ITGA10: variants seen among roughly 807,000 people sequenced by gnomAD.
ITGA10 encodes the protein integrin alpha-10.
Under a neutral mutation model 145.2 loss-of-function variants are expected in ITGA10, and 105 were observed. The ratio of observed to expected loss-of-function variants is 0.72; its 90% CI spans 0.62 to 0.85. ITGA10 has a LOEUF of 0.85. ITGA10 is among the 40% of genes least tolerant of loss of function. ITGA10 has a pLI of 0.00. For missense variants in ITGA10, 1,317 were observed against 1,444.5 expected (o/e 0.91, Z 1.43); for synonymous variants, 506 against 557.8 (o/e 0.91, Z 1.31).
chr1:145,897,884 T>G lies in ITGA10; in HGVS notation c.2363A>C (p.Asp788Ala). 1 of 1,613,706 alleles carries G rather than the reference T, an allele frequency of 6.2e-7. No homozygotes were observed. Among genetic ancestry groups the G allele is most frequent in the Middle Eastern group, 1.6e-4 (1 of 6,062 alleles). The change falls in exon 19 of 30, where the codon GAT (aspartate) becomes GCT (alanine). Residue 788 changes from aspartate to alanine, a missense_variant. By Grantham distance (126) the Asp-to-Ala change is moderately radical. Coordinates refer to ENST00000369304, the MANE Select transcript of ITGA10 (RefSeq NM_003637.5). ...GACACATTCATTGTCAGGGCCACAATCCTTTGAGAAGGGGACCTGGAAGAA... is the reference window on the plus strand; with the variant it reads ...GACACATTCATTGTCAGGGCCACAAGCCTTTGAGAAGGGGACCTGGAAGAA... ...SIQKLVPFSK[D>A]CGPDNECVTD...
chr1:145,898,097 T>C lies in ITGA10; in HGVS notation c.2346+13A>G. On this transcript the variant is annotated intron_variant, in intron 18 of 29. Coordinates refer to ENST00000369304, the MANE Select transcript of ITGA10 (RefSeq NM_003637.5). ...AGTGTTGGGAGCAAGGGGCAGGGCA[T>C]GGCACTGCTGACCAGCTTTTGTATA... The C allele has an allele frequency of 1.3e-6, 2 of 1,559,778 alleles. No homozygotes were observed. The highest frequency in any genetic ancestry group is 1.8e-6 in the Non-Finnish European group (2 of 1,130,356).
At chr1:145,896,917 C>A in intron 22 of ITGA10, 59 bp from the exon 23 acceptor site, 1 of 1,540,384 alleles carries the variant, frequency 6.5e-7, no homozygotes, top group South Asian at 1.1e-5. Context: ...ACACCCTTCT[C>A]TGTTAATAGA....
Position 145,897,742 on chromosome 1 carries a change from C to A in ITGA10, c.2432+73G>T. The A allele has an allele frequency of 6.2e-6, 10 of 1,609,994 alleles. No individual in the cohort carries two copies. In the South Asian group the frequency reaches 9.9e-5, roughly 16 times the overall value. On this transcript the variant is annotated intron_variant, in intron 19 of 29. Transcript: ENST00000369304. The stretch of plus-strand genomic sequence containing the variant: ...TTGTTATCATGGGTAAGAAACAACC[C>A]CCTACCCGCCCTTCGAGTCCCTTCC...
chr1:145,906,970 GTATAGGGAGT>G (rs1210185805), intron 3 of ITGA10, 61 bp downstream of exon 3: 10 of 1,237,816 alleles, frequency 8.1e-6, no homozygotes, highest in African/African-American at 1.5e-5. Flanking sequence ...AAAAGCTGAG[GTATAGGGAGT>G]TGAAGCTTCT....
At chr1:145,898,317 G>T in intron 17 of ITGA10, 94 bp from the exon 18 acceptor site, 1 of 671,844 alleles carries the variant, frequency 1.5e-6, no homozygotes, top group Non-Finnish European at 2.7e-6. Flanking sequence ...GCTGGGCACT[G>T]TCCTAAGATC....
At position 145,902,493 on chromosome 1, in the gene ITGA10, T is replaced by C. The variant is rs782254543; in HGVS notation, c.1036A>G (p.Ile346Val). 1.1e-5 allele frequency: 18 copies of C among 1,613,326 alleles called. No homozygotes were observed. The highest frequency in any genetic ancestry group is 1.4e-5 in the Non-Finnish European group (17 of 1,179,682). The change falls in exon 9 of 30, where the codon ATT becomes GTT. Residue 346 changes from isoleucine (I) to valine (V), a missense_variant. Ile to Val is a conservative substitution (Grantham distance 29). Coordinates refer to ENST00000369304, the MANE Select transcript of ITGA10 (RefSeq NM_003637.5). ...ATCCGATCTCCTAGTGCATCCACAA[T>C]GTCAGTCAGAGCAGCCTCATCTGTG... is the stretch of plus-strand genomic sequence containing the variant. ...NVTDEAALTD[I>V]VDALGDRIFG... is the part of the protein sequence containing the mutation.
chr1:145,893,891 C>A lies in ITGA10; in HGVS notation c.3229-256G>T, dbSNP rs1222283365. Among the ~76,000 whole-genome samples the A allele has an allele frequency of 3.3e-5, 5 of 151,928 alleles. No individual in the cohort carries two copies. In the South Asian group the frequency reaches 1.0e-3, roughly 32 times the overall value. Reference sequence around the variant, plus strand: ...TGCTTTACCTGAAATGCATTCTACTCCTCTTTCCTTTGGCTGACCTCTACC... The same window carrying A: ...TGCTTTACCTGAAATGCATTCTACTACTCTTTCCTTTGGCTGACCTCTACC... On this transcript the variant is annotated intron_variant, in intron 27 of 29. Coordinates refer to ENST00000369304, the MANE Select transcript of ITGA10 (RefSeq NM_003637.5).
rs77677391 is a variant in ITGA10, at chr1:145,895,818, C to G, written c.3034-107G>C. 3.7e-3 allele frequency: 4,077 copies of G among 1,110,740 alleles called. 38 individuals carry two copies. Among genetic ancestry groups the G allele is most frequent in the South Asian group, 0.019 (1,383 of 71,180 alleles). 68.8% of individuals were successfully genotyped at this position (1,110,740 alleles called of 1,614,324 possible). A position where few individuals can be genotyped will look rare whatever the true frequency, so the allele number is the denominator to read the frequency against. ...CTTGTAGTTCTTCCCCTTATAATAC[C>G]TTTTTCTTCTCTCTAATAAGCCACA... On this transcript the variant is annotated intron_variant, in intron 25 of 29. Transcript: ENST00000369304.
chr1:145,901,148 T>A lies in ITGA10; in HGVS notation c.1574A>T (p.Tyr525Phe). 3.7e-6 allele frequency: 6 copies of A among 1,614,002 alleles called. No homozygotes were observed. The highest frequency in any genetic ancestry group is 5.1e-6 in the Non-Finnish European group (6 of 1,179,958). Reference sequence around the variant, plus strand: ...AGCAAGTCTCACCTGGCCTACCAGATACACATAAACACGTCCTGTTTCCTT... The same window carrying A: ...AGCAAGTCTCACCTGGCCTACCAGAAACACATAAACACGTCCTGTTTCCTT... ...QNKETGRVYV[Y>F]LVGQQSLLTL... Residue 525 changes from tyrosine (Y) to phenylalanine (F), a missense_variant, in exon 13 of 30, where the codon TAT (tyrosine) becomes TTT (phenylalanine). Coordinates refer to ENST00000369304, the MANE Select transcript of ITGA10 (RefSeq NM_003637.5). The surrounding 1 kb of genome is among the most constrained non-coding windows in gnomAD (Gnocchi z 4.3).
intron 23 of ITGA10, 115 bp downstream of exon 23, chr1:145,896,654 C>A (rs1655447321): frequency 3.6e-6 from 3 of 838,928 alleles, no homozygotes; most frequent in Admixed American, 1.9e-5. Flanking sequence ...AAAGACTGAG[C>A]AGCCGCAAGG....
rs1553750203 is a variant in ITGA10, at chr1:145,904,073, G to A, written c.737C>T (p.Ala246Val). ...TCACCAGGCCACCATTATTGCTTGG[G>A]CAGTCTTTGTTTCTCGTCCCTCCCG... ...SRREGRETKTAQAIMVACTEG... is the reference protein window; with the variant it reads ...SRREGRETKTVQAIMVACTEG... The change falls in exon 7 of 30, where the codon GCC (alanine) becomes GTC (valine). Residue 246 changes from alanine (A) to valine (V), a missense_variant. Ala to Val is a moderately conservative substitution (Grantham distance 64). Transcript: ENST00000369304. 3 of 1,613,988 alleles carry A rather than the reference G, an allele frequency of 1.9e-6. No individual in the cohort carries two copies. Among genetic ancestry groups the A allele is most frequent in the African/African-American group, 1.3e-5 (1 of 74,992 alleles).
Position 145,896,754 on chromosome 1 carries a change from A to G in ITGA10, c.2834+15T>C, listed in dbSNP as rs782176947. 4.4e-6 allele frequency: 7 copies of G among 1,600,394 alleles called. No homozygotes were observed. In the South Asian group the frequency reaches 7.7e-5, roughly 18 times the overall value. ...TGAGGTCAGAACTGGGTCCCACCCT[A>G]GAAGCTGGGCATACCTAGAGAACAG... On this transcript the variant is annotated intron_variant, in intron 23 of 29. Coordinates refer to ENST00000369304, the MANE Select transcript of ITGA10 (RefSeq NM_003637.5).
In ITGA10 at chr1:145,902,272, T is replaced by C; in HGVS notation, c.1123A>G (p.Ile375Val). Residue 375 changes from isoleucine to valine, a missense_variant, in exon 10 of 30, where the codon ATT becomes GTT. Coordinates refer to ENST00000369304, the MANE Select transcript of ITGA10 (RefSeq NM_003637.5). ...TTTAGCCGATGAGTGGAGAAACCAA[T>C]CTGAGACATTTCCAGCCCAAAGGAG... ...ESSFGLEMSQ[I>V]GFSTHRLKDG... is the part of the protein sequence containing the mutation. 6.2e-7 allele frequency: 1 copy of C among 1,614,106 alleles called. No homozygotes were observed. The highest frequency in any genetic ancestry group is 1.1e-5 in the South Asian group (1 of 91,076).
chr1:145,909,571 AAT>A (rs1342349555), intron 1 of ITGA10, among the ~76,000 whole-genome samples: 1 of 135,766 alleles, frequency 7.4e-6, no homozygotes, highest in Non-Finnish European at 1.5e-5. Context: ...TATTATATAT[AAT>A]ATATAATTAT....
At chr1:145,893,302 C>T (rs782281369) in intron 28 of ITGA10, 28 bp from the exon 29 acceptor site, 53 of 1,507,782 alleles carry the variant, frequency 3.5e-5, no homozygotes, top group Non-Finnish European at 4.6e-5. Flanking sequence ...TAGTTTTCTA[C>T]ATGCATCCTA....
intron 1 of ITGA10, among the ~76,000 whole-genome samples, chr1:145,907,798 GTC>G (rs1426870216): frequency 1.7e-5 from 2 of 116,430 alleles, no homozygotes; most frequent in Non-Finnish European, 3.3e-5. Flanking sequence ...TTGAGACGGA[GTC>G]TCTCTGTCGC....
Position 145,891,579 on chromosome 1 carries a change from T to C in ITGA10, c.*1219A>G, listed in dbSNP as rs1559183686. 1.3e-5 allele frequency: 2 copies of C among 152,116 alleles called. No individual in the cohort carries two copies. The highest frequency in any genetic ancestry group is 2.4e-5 in the African/African-American group (1 of 41,394). The allele number at this position is 152,116 out of a possible 1,614,324, so 9.4% of individuals were successfully genotyped here. Reference sequence around the variant, plus strand: ...GTCCATGACCCAAATATGGAGTGGGTTGGGGAGGGATCAGAGATAGAAATT... The same window carrying C: ...GTCCATGACCCAAATATGGAGTGGGCTGGGGAGGGATCAGAGATAGAAATT... On this transcript the variant is annotated 3_prime_UTR_variant, in exon 30 of 30. Transcript: ENST00000369304.
At chr1:145,909,478 G>GTATATTATATATAATATATAATTATGTTA (rs1657573564) in intron 1 of ITGA10, among the ~76,000 whole-genome samples, 1 of 123,590 alleles carries the variant, frequency 8.1e-6, no homozygotes. Context: ...TATATTATAT[G>GTATATTATATATAATATATAATTATGTTA]TATATTATAT....
rs182576460 is a variant in ITGA10, at chr1:145,900,021, A to G, written c.1922+36T>C. On this transcript the variant is annotated intron_variant, in intron 15 of 29. Coordinates refer to ENST00000369304, the MANE Select transcript of ITGA10 (RefSeq NM_003637.5). ...GGCCCTTGCCTTTAACAGCTATGCT[A>G]TGCTGTCCACCACCACCTGAGCTGG... is the stretch of plus-strand genomic sequence containing the variant. 17 of 1,597,538 alleles carry G rather than the reference A, an allele frequency of 1.1e-5. No individual in the cohort carries two copies. The Admixed American group carries it at 1.6e-4, about 15-fold the overall frequency.
Sources: allele counts gnomAD v4.1 joint callset (sites outside exome capture counted in the v4.1 genomes callset), GRCh38; gene constraint gnomAD v4.1.1; non-coding constraint Gnocchi (gnomAD v3.1); transcripts MANE v1.5; gene names NCBI Gene and HGNC (gene_info 2026-07-23, HGNC 2026-07-21).